SLC25A36: variants seen among roughly 807,000 people sequenced by gnomAD.
The protein encoded by SLC25A36 is epididymis secretory sperm binding protein.
SLC25A36 carries 24 observed loss-of-function variants against 35.3 expected under a neutral mutation model. The ratio of observed to expected loss-of-function variants is 0.68; its 90% CI spans 0.49 to 0.96. The LOEUF is 0.96. SLC25A36 is among the 40% of genes least tolerant of loss of function. The probability of loss-of-function intolerance (pLI) is 0.00; values close to 1 mark genes in which losing one functional copy is unlikely to be tolerated. For synonymous variants in SLC25A36, 141 were observed against 132.2 expected, an observed-to-expected ratio of 1.07 and a Z score of -0.46; for missense variants, 294 against 381.1, an observed-to-expected ratio of 0.77 and a Z score of 1.90.
At chr3:140,951,640 C>T (rs941975712) in intron 1 of SLC25A36, among the ~76,000 whole-genome samples, 5 of 151,750 alleles carry the variant, frequency 3.3e-5, no homozygotes. Context: ...TGCACCACCA[C>T]GCCTGGCTAA....
rs1314386745 is a variant in SLC25A36, at chr3:140,979,586, A to G, written c.*3133A>G. 1 of 152,212 alleles carries G rather than the reference A, an allele frequency of 6.6e-6. No individual in the cohort carries two copies. The highest frequency in any genetic ancestry group is 2.4e-5 in the African/African-American group (1 of 41,452). 9.4% of individuals were successfully genotyped at this position (152,212 alleles called of 1,614,324 possible). ...AATTTTAATACATAAAATACAATGT[A>G]CAAACTTTCTGCCCACTCAGATCTC... On this transcript the variant is annotated 3_prime_UTR_variant, in exon 7 of 7. Transcript: ENST00000324194.
rs1935071267 is a variant in SLC25A36, at chr3:140,977,202, G to A, written c.*749G>A. ...TGTCTTCTCTGATTTTGTGGTACAT[G>A]AATGAATGCATTTATCTTTTTAGTG... On this transcript the variant is annotated 3_prime_UTR_variant, in exon 7 of 7. Transcript: ENST00000324194. 6.6e-6 allele frequency: 1 copy of A among 152,146 alleles called. No individual in the cohort carries two copies. The highest frequency in any genetic ancestry group is 6.5e-5 in the Admixed American group (1 of 15,270). 9.4% of individuals were successfully genotyped at this position (152,146 alleles called of 1,614,324 possible).
chr3:140,959,048 G>A (rs1435173046), intron 2 of SLC25A36, among the ~76,000 whole-genome samples: 4 of 125,974 alleles, frequency 3.2e-5, no homozygotes, highest in Non-Finnish European at 6.4e-5. Flanking sequence ...ACAGAGTTTC[G>A]CTCTGTCTCC....
At chr3:140,973,344 A>G (rs1934954194) in intron 5 of SLC25A36, 1 of 154,824 alleles carries the variant, frequency 6.5e-6, no homozygotes, top group Non-Finnish European at 1.4e-5. Flanking sequence ...GCTTACTTAG[A>G]ACTGGAATTA....
Position 140,976,611 on chromosome 3 carries a change from A to C in SLC25A36, c.*158A>C. 2.2e-6 allele frequency: 1 copy of C among 456,878 alleles called. No homozygotes were observed. The highest frequency in any genetic ancestry group is 3.6e-6 in the Non-Finnish European group (1 of 279,852). The allele number at this position is 456,878 out of a possible 1,614,324, so 28.3% of individuals were successfully genotyped here. On this transcript the variant is annotated 3_prime_UTR_variant, in exon 7 of 7. Coordinates refer to ENST00000324194, the MANE Select transcript of SLC25A36 (RefSeq NM_001104647.3). Reference sequence around the variant, plus strand: ...TTGTAGGAATTATAGTAATCACACCACATTACTTGGCCTTTCGGTAATGTG... The same window carrying C: ...TTGTAGGAATTATAGTAATCACACCCCATTACTTGGCCTTTCGGTAATGTG...
intron 5 of SLC25A36, among the ~76,000 whole-genome samples, chr3:140,971,850 C>T (rs902782623): frequency 6.6e-6 from 1 of 152,130 alleles, no homozygotes; most frequent in African/African-American, 2.4e-5. Context: ...CATGTTTCTA[C>T]TGTTTTTATA....
chr3:140,965,886 A>T (rs1036386154), intron 4 of SLC25A36: 1 of 151,740 alleles, frequency 6.6e-6, no homozygotes, highest in African/African-American at 2.4e-5. Flanking sequence ...TCCTTTGTAT[A>T]CACCTAGGCA....
chr3:140,964,322 C>T lies in SLC25A36; in HGVS notation c.385+1095C>T, dbSNP rs554584643. The T allele has an allele frequency of 2.0e-5, 3 of 151,908 alleles. No individual in the cohort carries two copies. The South Asian group carries it at 6.2e-4, about 32-fold the overall frequency. The allele number at this position is 151,908 out of a possible 1,614,324, so 9.4% of individuals were successfully genotyped here. A position where few individuals can be genotyped will look rare whatever the true frequency, so the allele number is the denominator to read the frequency against. The stretch of plus-strand genomic sequence containing the variant: ...CAGTTGATTCACTGAAGCTTTAAAA[C>T]TGGAAGGGACAATCCAAAGGTCAAA... On this transcript the variant is annotated intron_variant, in intron 4 of 6. Coordinates refer to ENST00000324194, the MANE Select transcript of SLC25A36 (RefSeq NM_001104647.3).
intron 5 of SLC25A36, among the ~76,000 whole-genome samples, 153 bp downstream of exon 5, chr3:140,971,146 T>C (rs1559816863): frequency 6.6e-6 from 1 of 152,106 alleles, no homozygotes; most frequent in Non-Finnish European, 1.5e-5. Flanking sequence ...AATGTAAGAG[T>C]TGACAATATG....
chr3:140,976,476 C>A lies in SLC25A36; in HGVS notation c.*23C>A. 1 of 1,558,852 alleles carries A rather than the reference C, an allele frequency of 6.4e-7. No individual in the cohort carries two copies. Among genetic ancestry groups the A allele is most frequent in the Admixed American group, 2.1e-5 (1 of 48,480 alleles). ...TAGCAGCACGAGGACTGCTGTACTG[C>A]AAAAAAAGAAGACCAAAAGATTACA... On this transcript the variant is annotated 3_prime_UTR_variant, in exon 7 of 7. Coordinates refer to ENST00000324194, the MANE Select transcript of SLC25A36 (RefSeq NM_001104647.3).
At chr3:140,975,097 C>CGTTTTTTT (rs1935004292) in intron 6 of SLC25A36, among the ~76,000 whole-genome samples, 1 of 55,188 alleles carries the variant, frequency 1.8e-5, no homozygotes, top group Non-Finnish European at 3.5e-5. Flanking sequence ...AAGATACATT[C>CGTTTTTTT]TTTTTTTTTT....
intron 3 of SLC25A36, among the ~76,000 whole-genome samples, chr3:140,962,417 CAGTA>C (rs1934653081): frequency 6.6e-6 from 1 of 152,098 alleles, no homozygotes; most frequent in African/African-American, 2.4e-5. Context: ...AAATCGTAGT[CAGTA>C]AGTTAACAAT....
Position 140,968,951 on chromosome 3 carries a change from A to C in SLC25A36, c.386-1976A>C, listed in dbSNP as rs547690225. Among the ~76,000 whole-genome samples, 53 of 151,958 alleles carry C rather than the reference A, an allele frequency of 3.5e-4. 1 individual carries two copies. Among genetic ancestry groups the C allele is most frequent in the South Asian group, 1.2e-3 (6 of 4,824 alleles). On this transcript the variant is annotated intron_variant, in intron 4 of 6. Transcript: ENST00000324194. ...TCTTAAGATTTCTATAAAATGATTA[A>C]TAAAAATCATTATAGTGATGCAGAA...
At chr3:140,946,585 G>C (rs1934172689) in intron 1 of SLC25A36, among the ~76,000 whole-genome samples, 1 of 152,200 alleles carries the variant, frequency 6.6e-6, no homozygotes. Context: ...AGAAGTGGTT[G>C]AATTCTAGTT....
intron 1 of SLC25A36, among the ~76,000 whole-genome samples, chr3:140,955,577 T>C (rs1934458279): frequency 6.6e-6 from 1 of 152,236 alleles, no homozygotes. Flanking sequence ...GCTTTTGTTA[T>C]TATTGTTCTG....
intron 1 of SLC25A36, among the ~76,000 whole-genome samples, chr3:140,955,305 G>C (rs1482595427): frequency 1.3e-5 from 2 of 151,724 alleles, no homozygotes; most frequent in African/African-American, 4.8e-5. Context: ...TTATTGCATG[G>C]GTTGCTTTTC....
chr3:140,951,737 C>T (rs1237877553), intron 1 of SLC25A36, among the ~76,000 whole-genome samples: 1 of 152,102 alleles, frequency 6.6e-6, no homozygotes, highest in Non-Finnish European at 1.5e-5. Flanking sequence ...TCAAATGATC[C>T]GGCTTCCTCG....
At chr3:140,952,770 A>G (rs1404059896) in intron 1 of SLC25A36, among the ~76,000 whole-genome samples, 3 of 152,204 alleles carry the variant, frequency 2.0e-5, no homozygotes, top group Admixed American at 6.5e-5. Context: ...ACTGGGTAGG[A>G]ATCATGGCTT....
rs1291895574 is a variant in SLC25A36, at chr3:140,976,261, A to G, written c.744A>G (p.Glu248=). ...TCATTIAYPH[E]VVRTRLREEG... ...TAATTTTATTTCTTTCCTACACAGAAGTTGTAAGAACAAGACTACGTGAAG... is the reference window on the plus strand; with the variant it reads ...TAATTTTATTTCTTTCCTACACAGAGGTTGTAAGAACAAGACTACGTGAAG... The change falls in exon 7 of 7, where the codon GAA becomes GAG. Residue 248 remains glutamate, a splice_region_variant and synonymous_variant. Transcript: ENST00000324194. 6.3e-7 allele frequency: 1 copy of G among 1,583,944 alleles called. No homozygotes were observed. The highest frequency in any genetic ancestry group is 8.6e-7 in the Non-Finnish European group (1 of 1,161,650).
Sources: allele counts gnomAD v4.1 joint callset (sites outside exome capture counted in the v4.1 genomes callset), GRCh38; gene constraint gnomAD v4.1.1; transcripts MANE v1.5; gene names NCBI Gene and HGNC (gene_info 2026-07-23, HGNC 2026-07-21).